Variants in GALK2 observed in about 807,000 individuals in gnomAD.
GALK2 encodes the protein N-acetylgalactosamine kinase.
A neutral mutation model predicts 52.4 loss-of-function variants in GALK2; 36 were observed. The ratio of observed to expected loss-of-function variants is 0.69; its 90% CI spans 0.53 to 0.91. GALK2 has a LOEUF of 0.91. GALK2 is among the 40% of genes least tolerant of loss of function. The pLI is 0.00. For synonymous variants in GALK2, 176 were observed against 199.1 expected (o/e 0.88, Z 0.98); for missense variants, 579 against 559.1 (o/e 1.04, Z -0.36).
chr15:49,313,000 C>T (rs1208864818), intron 8 of GALK2, among the ~76,000 whole-genome samples: 16 of 152,178 alleles, frequency 1.1e-4, no homozygotes. Context: ...TTTTATAGAA[C>T]AAGGACCACA....
intron 9 of GALK2, among the ~76,000 whole-genome samples, chr15:49,322,159 G>T (rs998951518): frequency 6.6e-6 from 1 of 152,004 alleles, no homozygotes; most frequent in South Asian, 2.1e-4. Flanking sequence ...TTTTCATTTT[G>T]TTTGTTTTTG....
At chr15:49,174,514 T>C (rs1373301460) in intron 1 of GALK2, among the ~76,000 whole-genome samples, 1 of 151,998 alleles carries the variant, frequency 6.6e-6, no homozygotes, top group African/African-American at 2.4e-5. Context: ...CCAGGCTAAT[T>C]TTTGTATTTT....
chr15:49,192,485 G>GTGTATA lies in GALK2; in HGVS notation c.54-8676_54-8675insGTATAT, dbSNP rs1360198549. On this transcript the variant is annotated intron_variant, in intron 1 of 9. Coordinates refer to ENST00000560031, the MANE Select transcript of GALK2 (RefSeq NM_002044.4). ...TCTGCAATGAATATTATATATATATGTATATATATATATATATATATATAT... is the reference window on the plus strand; with the variant it reads ...TCTGCAATGAATATTATATATATATGTGTATATATATATATATATATATATATATAT... 7.9e-3 allele frequency among the ~76,000 whole-genome samples: 817 copies of GTGTATA among 102,954 alleles called. 9 individuals are homozygous for GTGTATA. The highest frequency in any genetic ancestry group is 0.01 in the Non-Finnish European group (548 of 53,146). The allele number at this position is 102,954 out of a possible 152,430, so 67.5% of individuals were successfully genotyped here. A position where few individuals can be genotyped will look rare whatever the true frequency, so the allele number is the denominator to read the frequency against.
chr15:49,176,543 A>G (rs145529911), intron 1 of GALK2, among the ~76,000 whole-genome samples: 4,667 of 152,272 alleles, frequency 0.031, 185 homozygotes, highest in Admixed American at 0.12. Context: ...AGGAATGGCT[A>G]TGAAAATACA....
rs555615135 is a variant in GALK2, at chr15:49,329,905, A to T, written c.*1746A>T. The stretch of plus-strand genomic sequence containing the variant: ...TCACAAAAGGTGAGTAAAAATTTCC[A>T]ATGTGCACTCTTCTTTGGGGGACAC... On this transcript the variant is annotated 3_prime_UTR_variant, in exon 10 of 10. Coordinates refer to ENST00000560031, the MANE Select transcript of GALK2 (RefSeq NM_002044.4). The T allele has an allele frequency of 2.2e-4, 61 of 273,520 alleles. No individual in the cohort carries two copies. Among genetic ancestry groups the T allele is most frequent in the Non-Finnish European group, 3.2e-4 (57 of 179,498 alleles). 16.9% of individuals were successfully genotyped at this position (273,520 alleles called of 1,614,324 possible).
chr15:49,174,476 G>T (rs1156768665), intron 1 of GALK2, among the ~76,000 whole-genome samples: 4 of 152,042 alleles, frequency 2.6e-5, no homozygotes. Flanking sequence ...CTCCCAAGTA[G>T]CTGGGACTAC....
At chr15:49,290,137 A>G (rs2033792930) in intron 7 of GALK2, among the ~76,000 whole-genome samples, 2 of 152,264 alleles carry the variant, frequency 1.3e-5, no homozygotes, top group Non-Finnish European at 2.9e-5. Flanking sequence ...CACCTGGGCC[A>G]CAAGTGCCTC....
intron 8 of GALK2, among the ~76,000 whole-genome samples, chr15:49,313,487 CCTCTCCTGTG>C (rs2036159972): frequency 6.6e-6 from 1 of 152,166 alleles, no homozygotes; most frequent in African/African-American, 2.4e-5. Flanking sequence ...GGCTCAGGCC[CCTCTCCTGTG>C]ACATCTCCCA....
At chr15:49,298,736 C>A (rs1473930853) in intron 8 of GALK2, among the ~76,000 whole-genome samples, 2 of 152,036 alleles carry the variant, frequency 1.3e-5, no homozygotes, top group Non-Finnish European at 2.9e-5. Context: ...TTGAACTAAC[C>A]TTTGCATCCA....
Position 49,203,716 on chromosome 15 carries a change from T to G in GALK2, c.142+2466T>G, listed in dbSNP as rs539489965. 3.9e-5 allele frequency among the ~76,000 whole-genome samples: 6 copies of G among 152,324 alleles called. No individual in the cohort carries two copies. The East Asian group carries it at 1.2e-3, about 29-fold the overall frequency. ...TTCATTTTTATAAATGGTGAGATAT[T>G]GGGGCCTATTTTTATTCTTTTGCAT... On this transcript the variant is annotated intron_variant, in intron 2 of 9. Transcript: ENST00000560031.
chr15:49,252,302 A>G (rs2091643364), intron 5 of GALK2, among the ~76,000 whole-genome samples: 2 of 152,046 alleles, frequency 1.3e-5, no homozygotes, highest in East Asian at 1.9e-4. Context: ...ATACACACAC[A>G]TCTTTCCCCT....
intron 1 of GALK2, chr15:49,177,665 G>T: frequency 6.0e-6 from 2 of 333,232 alleles, no homozygotes; most frequent in South Asian, 4.3e-5. Context: ...AGAATCACCA[G>T]GAGTGTGGTG....
At chr15:49,182,304 T>C (rs949291513) in intron 1 of GALK2, among the ~76,000 whole-genome samples, 14 of 152,242 alleles carry the variant, frequency 9.2e-5, no homozygotes, top group Admixed American at 8.5e-4. Flanking sequence ...GATCCATCCA[T>C]GTTGCTGCAA....
chr15:49,193,102 A>G (rs1021765613), intron 1 of GALK2, among the ~76,000 whole-genome samples: 3 of 150,928 alleles, frequency 2.0e-5, no homozygotes, highest in African/African-American at 7.3e-5. Flanking sequence ...GGTTCAAGCA[A>G]TTCTCCTGCT....
chr15:49,340,939 T>C (rs149261901), intron 3 of GALK2, among the ~76,000 whole-genome samples: 19 of 152,318 alleles, frequency 1.2e-4, no homozygotes. Flanking sequence ...TTAATTTTTG[T>C]ATATGATGAA....
chr15:49,180,517 G>A (rs553071943), intron 1 of GALK2, among the ~76,000 whole-genome samples: 92 of 151,998 alleles, frequency 6.1e-4, no homozygotes, highest in Non-Finnish European at 9.6e-4. Flanking sequence ...TCTACAATCC[G>A]AATTCCACAC....
intron 7 of GALK2, among the ~76,000 whole-genome samples, chr15:49,286,217 C>T (rs1437345433): frequency 1.3e-5 from 2 of 152,174 alleles, no homozygotes; most frequent in Non-Finnish European, 2.9e-5. Flanking sequence ...AGAGCTGAGG[C>T]TGTGTTTGTC....
intron 1 of GALK2, among the ~76,000 whole-genome samples, chr15:49,171,955 T>C (rs1486529560): frequency 1.3e-5 from 2 of 152,100 alleles, no homozygotes; most frequent in African/African-American, 4.8e-5. Context: ...GTGTTTTTGG[T>C]AGAGACGGAG....
intron 5 of GALK2, among the ~76,000 whole-genome samples, chr15:49,267,376 G>A (rs991253439): frequency 6.6e-6 from 1 of 152,210 alleles, no homozygotes; most frequent in Non-Finnish European, 1.5e-5. Context: ...GATATTGAGG[G>A]TGGGGTGTTC....
Sources: gnomAD v4.1 joint callset for allele counts (sites outside exome capture counted in the v4.1 genomes callset) on GRCh38, gnomAD v4.1.1 for gene constraint, MANE v1.5 for transcripts, NCBI Gene and HGNC (gene_info 2026-07-23, HGNC 2026-07-21) for gene names.